MPP7: variants seen among roughly 807,000 people sequenced by gnomAD.
The protein encoded by MPP7 is MAGUK p55 scaffold protein 7.
A neutral mutation model predicts 76.5 loss-of-function variants in MPP7; 60 were observed. The ratio of observed to expected loss-of-function variants is 0.78; its 90% CI spans 0.64 to 0.97. The LOEUF is 0.97. MPP7 is among the 50% of genes least tolerant of loss of function. The probability of loss-of-function intolerance (pLI) is 0.00; values close to 1 mark genes in which losing one functional copy is unlikely to be tolerated. For missense variants in MPP7, 641 were observed against 694.0 expected, an observed-to-expected ratio of 0.92 and a Z score of 0.86; for synonymous variants, 237 against 244.5, an observed-to-expected ratio of 0.97 and a Z score of 0.29.
intron 3 of MPP7, among the ~76,000 whole-genome samples, chr10:28,194,644 T>G (rs2607542): frequency 0.18 from 26,699 of 152,168 alleles, 2,972 homozygotes; most frequent in East Asian, 0.56. Flanking sequence ...CATACTGTAT[T>G]ATTCCAACAA....
chr10:28,245,661 A>ATT (rs11372456), intron 1 of MPP7, among the ~76,000 whole-genome samples: 4 of 149,526 alleles, frequency 2.7e-5, no homozygotes, highest in South Asian at 2.1e-4. Flanking sequence ...CTTTTATCAC[A>ATT]TTTTTTTTTT....
In MPP7 at chr10:28,069,772, G is replaced by C. The variant is rs762252605; in HGVS notation, c.1204C>G (p.His402Asp). The change falls in exon 13 of 17, where the codon CAT (histidine) becomes GAT (aspartate). Residue 402 changes from histidine to aspartate, a missense_variant and splice_region_variant. Coordinates refer to ENST00000683449, the MANE Select transcript of MPP7 (RefSeq NM_001318170.2). ...DTQHYGVTVPHTTRARRSQES... is the reference protein window; with the variant it reads ...DTQHYGVTVPDTTRARRSQES... ...GAACACTGAGTAGCGCAGAACTCACGGGGCACTGTCACGCCATAGTGCTGG... is the reference window on the plus strand; with the variant it reads ...GAACACTGAGTAGCGCAGAACTCACCGGGCACTGTCACGCCATAGTGCTGG... 11 of 1,612,614 alleles carry C rather than the reference G, an allele frequency of 6.8e-6. No individual in the cohort carries two copies. The highest frequency in any genetic ancestry group is 7.6e-6 in the Non-Finnish European group (9 of 1,178,820).
intron 15 of MPP7, among the ~76,000 whole-genome samples, chr10:28,058,066 G>C (rs904258732): frequency 6.6e-6 from 1 of 152,054 alleles, no homozygotes; most frequent in African/African-American, 2.4e-5. Context: ...TTATTTGCTA[G>C]GATATATACA....
intron 2 of MPP7, among the ~76,000 whole-genome samples, chr10:28,225,113 A>G (rs548529652): frequency 8.7e-4 from 132 of 152,310 alleles, no homozygotes; most frequent in African/African-American, 2.9e-3. Flanking sequence ...GGACAATGGA[A>G]TTTCCACATA....
At chr10:28,132,896 T>A (rs1170215484) in intron 5 of MPP7, among the ~76,000 whole-genome samples, 1 of 45,676 alleles carries the variant, frequency 2.2e-5, no homozygotes, top group African/African-American at 4.2e-5. Context: ...CTGCACCTAG[T>A]GCATATCCTA....
intron 12 of MPP7, among the ~76,000 whole-genome samples, chr10:28,084,264 T>G (rs1852900630): frequency 6.6e-6 from 1 of 152,050 alleles, no homozygotes; most frequent in African/African-American, 2.4e-5. Context: ...AAAATCAAAA[T>G]AAATGGCAGC....
chr10:28,310,164 G>A (rs993874559), intron 2 of MPP7, among the ~76,000 whole-genome samples: 1 of 151,940 alleles, frequency 6.6e-6, no homozygotes, highest in Non-Finnish European at 1.5e-5. Flanking sequence ...ACCACACCCG[G>A]CTAATTGTTG....
intron 1 of MPP7, among the ~76,000 whole-genome samples, chr10:28,290,194 G>A (rs551758006): frequency 6.6e-6 from 1 of 151,944 alleles, no homozygotes; most frequent in South Asian, 2.1e-4. Flanking sequence ...AGTTTCTCTT[G>A]GAGCAATAAC....
At chr10:28,143,008 GC>G (rs372203493) in intron 5 of MPP7, among the ~76,000 whole-genome samples, 2 of 152,070 alleles carry the variant, frequency 1.3e-5, no homozygotes, top group Non-Finnish European at 2.9e-5. Flanking sequence ...TATTTAAATA[GC>G]AGAAAAGCAG....
At chr10:28,154,779 C>T (rs929470813) in intron 3 of MPP7, among the ~76,000 whole-genome samples, 1 of 151,544 alleles carries the variant, frequency 6.6e-6, no homozygotes, top group African/African-American at 2.4e-5. Context: ...TTCTCCAATC[C>T]AGAGATATAT....
At chr10:28,309,242 C>T (rs992040267) in intron 2 of MPP7, among the ~76,000 whole-genome samples, 2 of 152,044 alleles carry the variant, frequency 1.3e-5, no homozygotes, top group African/African-American at 4.8e-5. Flanking sequence ...CGTGAAACCC[C>T]ATCTCTACTA....
At chr10:28,284,905 T>C (rs955255566) in intron 1 of MPP7, among the ~76,000 whole-genome samples, 1 of 152,252 alleles carries the variant, frequency 6.6e-6, no homozygotes, top group African/African-American at 2.4e-5. Flanking sequence ...TTTATTCCCA[T>C]TTAACAGCCC....
intron 1 of MPP7, among the ~76,000 whole-genome samples, chr10:28,275,501 G>A (rs986809855): frequency 6.6e-6 from 1 of 151,620 alleles, no homozygotes; most frequent in Non-Finnish European, 1.5e-5. Flanking sequence ...CCGCCTCCTG[G>A]GCTCAAGCAA....
intron 8 of MPP7, among the ~76,000 whole-genome samples, chr10:28,123,659 G>A (rs1401985697): frequency 6.6e-6 from 1 of 151,788 alleles, no homozygotes; most frequent in Non-Finnish European, 1.5e-5. Flanking sequence ...TTTTAGTAGA[G>A]ACGGGTTTCA....
intron 11 of MPP7, among the ~76,000 whole-genome samples, chr10:28,115,136 C>T (rs1208224199): frequency 6.6e-6 from 1 of 151,240 alleles, no homozygotes; most frequent in Non-Finnish European, 1.5e-5. Context: ...GAGTTTTACT[C>T]TTATTGCCCA....
At chr10:28,227,549 A>G (rs1413785751) in intron 2 of MPP7, among the ~76,000 whole-genome samples, 1 of 151,792 alleles carries the variant, frequency 6.6e-6, no homozygotes, top group Non-Finnish European at 1.5e-5. Flanking sequence ...TCCCACTTAC[A>G]AGAGAAAACA....
chr10:28,321,948 C>CAT (rs1370815975), intron 2 of MPP7, among the ~76,000 whole-genome samples: 6 of 143,366 alleles, frequency 4.2e-5, no homozygotes, highest in Non-Finnish European at 9.2e-5. Flanking sequence ...TTTTTGTAGA[C>CAT]GTGTGTGTGT....
chr10:28,119,681 G>A lies in MPP7; in HGVS notation c.922C>T (p.Gln308Ter), dbSNP rs866001016. ...LALRRPEILV[Q>*]PLKVSNRKSS... ...TTCCTGTTGGAAACTTTCAGGGGCT[G>A]AACCAATATTTCTGGTCGTCTCAAA... The change falls in exon 11 of 17, where the codon CAG becomes TAG. Residue 308 changes from glutamine to a stop codon, truncating the protein, a stop_gained. Transcript: ENST00000683449. LOFTEE classifies it high-confidence loss of function. 2 of 1,613,634 alleles carry A rather than the reference G, an allele frequency of 1.2e-6. No homozygotes were observed. Among genetic ancestry groups the A allele is most frequent in the East Asian group, 4.5e-5 (2 of 44,822 alleles).
At chr10:28,294,706 G>A (rs1841000837) in intron 1 of MPP7, among the ~76,000 whole-genome samples, 1 of 152,240 alleles carries the variant, frequency 6.6e-6, no homozygotes, top group East Asian at 1.9e-4. Flanking sequence ...TAAGATGCAG[G>A]ATCCTATTTA....
Sources: allele counts gnomAD v4.1 joint callset (sites outside exome capture counted in the v4.1 genomes callset), GRCh38; gene constraint gnomAD v4.1.1; transcripts MANE v1.5; gene names NCBI Gene and HGNC (gene_info 2026-07-23, HGNC 2026-07-21).